SLC39A10: variants seen among roughly 807,000 people sequenced by gnomAD.
SLC39A10 encodes solute carrier family 39 member 10, also known as zinc transporter ZIP10.
Under a neutral mutation model 65.1 loss-of-function variants are expected in SLC39A10, and 13 were observed. The ratio of observed to expected loss-of-function variants is 0.20; its 90% CI spans 0.13 to 0.32. SLC39A10 has a LOEUF of 0.32. Ranked by LOEUF, SLC39A10 falls within the 10% of genes least tolerant of loss-of-function variation. SLC39A10 has a pLI of 1.00. For synonymous variants in SLC39A10, 321 were observed against 342.2 expected, an observed-to-expected ratio of 0.94 and a Z score of 0.68; for missense variants, 831 against 1,018.4, an observed-to-expected ratio of 0.82 and a Z score of 2.50.
intron 8 of SLC39A10, among the ~76,000 whole-genome samples, chr2:195,721,202 A>AGTGCT: frequency 6.6e-6 from 1 of 152,246 alleles, no homozygotes; most frequent in South Asian, 2.1e-4. Context: ...AACCTCCTAA[A>AGTGCT]GTGCTGGGAT....
chr2:195,618,518 C>T (rs1163790770), intron 2 of SLC39A10, among the ~76,000 whole-genome samples: 1 of 152,124 alleles, frequency 6.6e-6, no homozygotes, highest in African/African-American at 2.4e-5. Context: ...AGATGGATAG[C>T]TAATATTTTA....
intron 3 of SLC39A10, among the ~76,000 whole-genome samples, chr2:195,684,414 G>A (rs1300782738): frequency 6.6e-6 from 1 of 152,028 alleles, no homozygotes. Flanking sequence ...TTCAACTAGG[G>A]TAAAACCAAA....
At chr2:195,715,979 T>G (rs1250422605) in intron 6 of SLC39A10, among the ~76,000 whole-genome samples, 6 of 152,210 alleles carry the variant, frequency 3.9e-5, no homozygotes. Context: ...TGGAATTTGG[T>G]CAGGCAGTCA....
In SLC39A10 at chr2:195,680,289, G is replaced by C; in HGVS notation, c.247G>C (p.Glu83Gln). Residue 83 changes from glutamate to glutamine, a missense_variant, in exon 2 of 10, where the codon GAG becomes CAG. Physicochemically the swap from Glu to Gln is conservative, Grantham distance 29. Around this residue, in one of 4 missense-constraint regions of SLC39A10, gnomAD observed 446 missense variants for 499.2 expected, o/e 0.89. Transcript: ENST00000359634. ...TGGAAGATTATCCTTTTTTGGTTTG[G>C]AGAAACTTTTAACAAACTTGGGCCT... is the stretch of plus-strand genomic sequence containing the variant. ...ENGRLSFFGL[E>Q]KLLTNLGLGE... 1 of 1,613,478 alleles carries C rather than the reference G, an allele frequency of 6.2e-7. No homozygotes were observed. The highest frequency in any genetic ancestry group is 8.5e-7 in the Non-Finnish European group (1 of 1,179,826).
chr2:195,726,158 A>C (rs1692232040), intron 8 of SLC39A10, among the ~76,000 whole-genome samples: 1 of 152,202 alleles, frequency 6.6e-6, no homozygotes, highest in Non-Finnish European at 1.5e-5. Flanking sequence ...TTTGGTTGTT[A>C]CTTAGGAAGG....
chr2:195,690,173 G>GAAGA (rs1690678006), intron 3 of SLC39A10, among the ~76,000 whole-genome samples: 1 of 61,150 alleles, frequency 1.6e-5, no homozygotes, highest in Admixed American at 2.7e-4. Context: ...GAGACTCTCT[G>GAAGA]AAAAAAAAAA....
At chr2:195,704,723 C>T (rs73054456) in intron 3 of SLC39A10, among the ~76,000 whole-genome samples, 4,446 of 152,158 alleles carry the variant, frequency 0.029, 215 homozygotes, top group African/African-American at 0.1. Flanking sequence ...CAGCTCCCCG[C>T]GGTTTGTCAT....
chr2:195,626,151 C>T (rs1294772075), intron 2 of SLC39A10, among the ~76,000 whole-genome samples: 1 of 152,204 alleles, frequency 6.6e-6, no homozygotes, highest in Non-Finnish European at 1.5e-5. Context: ...CGATTTAAAA[C>T]TAGGTGCTGA....
At chr2:195,722,243 G>C (rs148532071) in intron 8 of SLC39A10, among the ~76,000 whole-genome samples, 264 of 152,326 alleles carry the variant, frequency 1.7e-3, no homozygotes, top group Admixed American at 2.9e-3. Flanking sequence ...TTGCTAGAGG[G>C]AAAGGAGTGG....
At chr2:195,677,762 T>C (rs1655445050) in intron 1 of SLC39A10, among the ~76,000 whole-genome samples, 1 of 150,804 alleles carries the variant, frequency 6.6e-6, no homozygotes, top group Non-Finnish European at 1.5e-5. Flanking sequence ...TTTTTTTTTT[T>C]TTTTTTGACC....
intron 1 of SLC39A10, among the ~76,000 whole-genome samples, chr2:195,679,376 G>T (rs979688302): frequency 2.0e-5 from 3 of 152,120 alleles, no homozygotes; most frequent in African/African-American, 7.2e-5. Context: ...TAGTCTGTTT[G>T]TTATTGCACC....
In SLC39A10 at chr2:195,729,245, G is replaced by A. The variant is rs1282552457; in HGVS notation, c.2337+896G>A. On this transcript the variant is annotated intron_variant, in intron 9 of 9. Transcript: ENST00000359634. ...AGTCTTCCTGCCTCAGCCTCTCAAA[G>A]TGCTGGGATTACAAGTGTGAGCTAC... Among the ~76,000 whole-genome samples, 4 of 152,216 alleles carry A rather than the reference G, an allele frequency of 2.6e-5. No individual in the cohort carries two copies. In the South Asian group the frequency reaches 8.3e-4, roughly 32 times the overall value.
At chr2:195,715,301 G>A (rs1270966415) in intron 6 of SLC39A10, among the ~76,000 whole-genome samples, 1 of 151,876 alleles carries the variant, frequency 6.6e-6, no homozygotes, top group East Asian at 1.9e-4. Flanking sequence ...GCCAAGGTGG[G>A]CAGATCAAGA....
chr2:195,627,701 A>C (rs1266526525), intron 2 of SLC39A10, among the ~76,000 whole-genome samples: 1 of 152,194 alleles, frequency 6.6e-6, no homozygotes, highest in Non-Finnish European at 1.5e-5. Flanking sequence ...ACTGGGAAGG[A>C]ATTGGAAACA....
At chr2:195,667,969 A>T (rs1689700502) in intron 1 of SLC39A10, among the ~76,000 whole-genome samples, 1 of 152,248 alleles carries the variant, frequency 6.6e-6, no homozygotes, top group Non-Finnish European at 1.5e-5. Context: ...ATAAAATAGA[A>T]CAGAAATTAA....
At chr2:195,669,419 G>A (rs796943285) in intron 1 of SLC39A10, among the ~76,000 whole-genome samples, 16 of 152,200 alleles carry the variant, frequency 1.1e-4, no homozygotes, top group African/African-American at 3.1e-4. Flanking sequence ...GCTTAATCAC[G>A]TTAGATACCT....
chr2:195,677,608 C>T (rs1690143558), intron 1 of SLC39A10, among the ~76,000 whole-genome samples: 1 of 152,090 alleles, frequency 6.6e-6, no homozygotes, highest in Non-Finnish European at 1.5e-5. Context: ...ATACTGCTTT[C>T]TTTGGTGTTT....
At chr2:195,699,837 A>G (rs139863616) in intron 3 of SLC39A10, among the ~76,000 whole-genome samples, 2 of 152,164 alleles carry the variant, frequency 1.3e-5, no homozygotes, top group East Asian at 3.9e-4. Context: ...TCTGCTGGAT[A>G]GCTGTTTTAT....
At chr2:195,656,464 G>A (rs1464000830), upstream of SLC39A10, among the ~76,000 whole-genome samples, 2 of 152,188 alleles carry the variant, frequency 1.3e-5, no homozygotes, top group African/African-American at 2.4e-5. Context: ...TCGATCAGTT[G>A]AGGAGTAGAG....
Sources: gnomAD v4.1 joint callset for allele counts (sites outside exome capture counted in the v4.1 genomes callset) on GRCh38, gnomAD v4.1.1 for gene constraint, gnomAD v4.1.1 regional missense constraint, MANE v1.5 for transcripts, NCBI Gene and HGNC (gene_info 2026-07-23, HGNC 2026-07-21) for gene names.